The following ERC2 variants were observed in gnomAD, a reference collection of about 807,000 sequenced individuals.
The protein encoded by ERC2 is ELKS/RAB6-interacting/CAST family member 2, also known as ERC protein 2.
A neutral mutation model predicts 114.8 loss-of-function variants in ERC2; 42 were observed. The observed-to-expected ratio is 0.37, with a 90% CI of 0.29 to 0.47. The LOEUF is 0.47. Ranked by LOEUF, ERC2 falls within the 20% of genes least tolerant of loss-of-function variation. The probability of loss-of-function intolerance (pLI) is 0.99; values close to 1 mark genes in which losing one functional copy is unlikely to be tolerated. For synonymous variants in ERC2, 454 were observed against 425.5 expected (o/e 1.07, Z -0.82); for missense variants, 939 against 1,150.7 (o/e 0.82, Z 2.66).
intron 7 of ERC2, among the ~76,000 whole-genome samples, chr3:56,021,658 A>G (rs1184797220): frequency 6.6e-6 from 1 of 152,140 alleles, no homozygotes; most frequent in African/African-American, 2.4e-5. Flanking sequence ...TGTACATAAC[A>G]TTACATTGCC....
intron 17 of ERC2, among the ~76,000 whole-genome samples, chr3:55,663,611 G>GC: frequency 6.6e-6 from 1 of 152,170 alleles, no homozygotes; most frequent in Non-Finnish European, 1.5e-5. Flanking sequence ...AATTACAGTG[G>GC]CCCCTTCCTT....
In ERC2 at chr3:55,875,533, G is replaced by A. The variant is rs191453727; in HGVS notation, c.2564+12856C>T. Reference sequence around the variant, plus strand: ...TGTTGGTTCCCAAATTCCGTGACTGGAACACAAAAGACTTGTCCCACTTGA... The same window carrying A: ...TGTTGGTTCCCAAATTCCGTGACTGAAACACAAAAGACTTGTCCCACTTGA... On this transcript the variant is annotated intron_variant, in intron 14 of 17. Transcript: ENST00000288221. Among the ~76,000 whole-genome samples, 47 of 152,236 alleles carry A rather than the reference G, an allele frequency of 3.1e-4. No individual in the cohort carries two copies. The East Asian group carries it at 6.4e-3, about 21-fold the overall frequency.
intron 17 of ERC2, among the ~76,000 whole-genome samples, chr3:55,664,497 CACGA>C (rs1377746271): frequency 6.6e-6 from 1 of 152,220 alleles, no homozygotes; most frequent in African/African-American, 2.4e-5. Flanking sequence ...AGCCCGAGCT[CACGA>C]ACCGCCATCG....
At chr3:55,978,960 T>A (rs555173183) in intron 12 of ERC2, among the ~76,000 whole-genome samples, 12 of 152,300 alleles carry the variant, frequency 7.9e-5, no homozygotes, top group Non-Finnish European at 1.6e-4. Context: ...CGTATTTAGG[T>A]GGCAGAAGAG....
chr3:55,854,188 T>A (rs1202177467), intron 14 of ERC2, among the ~76,000 whole-genome samples: 1 of 152,082 alleles, frequency 6.6e-6, no homozygotes, highest in East Asian at 1.9e-4. Flanking sequence ...GGCACGAGAA[T>A]CGCTTGAATC....
At chr3:55,822,506 A>T (rs987751732) in intron 14 of ERC2, among the ~76,000 whole-genome samples, 2 of 151,508 alleles carry the variant, frequency 1.3e-5, no homozygotes, top group Non-Finnish European at 2.9e-5. Flanking sequence ...TTTCATCCTC[A>T]TCATGGTTCT....
chr3:56,056,663 G>A (rs895363815), intron 7 of ERC2, among the ~76,000 whole-genome samples: 2 of 152,112 alleles, frequency 1.3e-5, no homozygotes, highest in South Asian at 2.1e-4. Flanking sequence ...ATAGCTGGAC[G>A]TTACTTAATA....
intron 6 of ERC2, among the ~76,000 whole-genome samples, chr3:56,108,882 A>G (rs2078808898): frequency 6.6e-6 from 1 of 152,178 alleles, no homozygotes; most frequent in African/African-American, 2.4e-5. Context: ...AAACAGAGCC[A>G]ATGATAGATG....
intron 8 of ERC2, among the ~76,000 whole-genome samples, chr3:56,016,050 GTTGT>G (rs577827416): frequency 1.6e-3 from 243 of 152,264 alleles, no homozygotes; most frequent in African/African-American, 5.1e-3. Context: ...TGTTAGTGGG[GTTGT>G]TTGTTTGTTT....
chr3:56,282,074 C>T (rs1247692937), intron 3 of ERC2, among the ~76,000 whole-genome samples: 2 of 152,152 alleles, frequency 1.3e-5, no homozygotes, highest in African/African-American at 4.8e-5. Flanking sequence ...TTGCATAGGT[C>T]ATGTCACTTG....
At chr3:55,512,796 T>C (rs1575428455) in intron 17 of ERC2, among the ~76,000 whole-genome samples, 1 of 152,282 alleles carries the variant, frequency 6.6e-6, no homozygotes, top group Middle Eastern at 3.4e-3. Flanking sequence ...AGGTTTATGC[T>C]GGAGACAAGA....
intron 3 of ERC2, among the ~76,000 whole-genome samples, chr3:56,288,914 T>C (rs1351378502): frequency 6.6e-6 from 1 of 152,164 alleles, no homozygotes; most frequent in Non-Finnish European, 1.5e-5. Context: ...GGTTAAATAC[T>C]AGTAGGAGTA....
intron 12 of ERC2, among the ~76,000 whole-genome samples, chr3:55,967,732 G>C (rs556349056): frequency 4.8e-4 from 73 of 152,306 alleles, no homozygotes; most frequent in African/African-American, 1.7e-3. Flanking sequence ...CTAATGGGAG[G>C]TGTTTGGGTC....
At chr3:55,699,559 T>C in intron 15 of ERC2, 47 bp from the exon 16 acceptor site, 1 of 1,564,514 alleles carries the variant, frequency 6.4e-7, no homozygotes, top group Non-Finnish European at 8.7e-7. Context: ...AGCCAGAAGA[T>C]CAGTCAAAGA....
intron 6 of ERC2, among the ~76,000 whole-genome samples, chr3:56,132,747 C>T (rs1469495481): frequency 6.6e-6 from 1 of 152,190 alleles, no homozygotes; most frequent in Non-Finnish European, 1.5e-5. Context: ...AAGTCATACA[C>T]AGCCATCCAT....
At chr3:56,426,495 C>G (rs541617634) in intron 2 of ERC2, among the ~76,000 whole-genome samples, 1 of 152,364 alleles carries the variant, frequency 6.6e-6, no homozygotes, top group African/African-American at 2.4e-5. Flanking sequence ...CACTCCCCCT[C>G]TGCCTTGGCA....
chr3:55,864,138 T>C (rs9881976), intron 14 of ERC2, among the ~76,000 whole-genome samples: 24,908 of 123,964 alleles, frequency 0.2, 2,539 homozygotes, highest in African/African-American at 0.31. Flanking sequence ...CATATATATA[T>C]ACATATATAT....
chr3:55,520,732 C>T (rs1166937060), intron 17 of ERC2, among the ~76,000 whole-genome samples: 1 of 152,192 alleles, frequency 6.6e-6, no homozygotes, highest in Non-Finnish European at 1.5e-5. Context: ...CCATTATCTT[C>T]ATGATAATAA....
intron 1 of ERC2, among the ~76,000 whole-genome samples, chr3:56,446,675 GAGGGC>G (rs1422248184): frequency 7.1e-6 from 1 of 140,340 alleles, no homozygotes; most frequent in Non-Finnish European, 1.5e-5. Context: ...TCCCAGACTG[GAGGGC>G]ACTGGCACAA....
Sources: allele counts gnomAD v4.1 joint callset (sites outside exome capture counted in the v4.1 genomes callset), GRCh38; gene constraint gnomAD v4.1.1; transcripts MANE v1.5; gene names NCBI Gene and HGNC (gene_info 2026-07-23, HGNC 2026-07-21).